The following ZNF169 variants were observed in gnomAD, a reference collection of about 807,000 sequenced individuals.
The protein encoded by ZNF169 is zinc finger protein 169.
A neutral mutation model predicts 12.0 loss-of-function variants in ZNF169; 11 were observed. The observed-to-expected ratio is 0.92, with a 90% confidence interval of 0.58 to 1.52. ZNF169 has a LOEUF of 1.52. Ranked by LOEUF, ZNF169 falls within the 40% of genes most tolerant of loss-of-function variation. ZNF169 has a pLI of 0.00. For synonymous variants in ZNF169, 302 were observed against 286.5 expected (o/e 1.05, Z -0.55); for missense variants, 722 against 744.0 (o/e 0.97, Z 0.34).
At position 94,300,177 on chromosome 9, in the gene ZNF169, T is replaced by G; in HGVS notation, c.619T>G (p.Ser207Ala). 1 of 1,614,086 alleles carries G rather than the reference T, an allele frequency of 6.2e-7. No individual in the cohort carries two copies. The highest frequency in any genetic ancestry group is 8.5e-7 in the Non-Finnish European group (1 of 1,180,016). ...SDTMLKGADTSESGAVIRGNY... is the reference protein window; with the variant it reads ...SDTMLKGADTAESGAVIRGNY... ...CACAATGTTGAAGGGAGCAGACACT[T>G]CAGAATCTGGAGCAGTCATACGTGG... Residue 207 changes from serine (S) to alanine (A), a missense_variant, in exon 5 of 5, where the codon TCA (serine) becomes GCA (alanine). Coordinates refer to ENST00000395395, the MANE Select transcript of ZNF169 (RefSeq NM_194320.4).
At chr9:94,282,226 T>G (rs1000488597) in intron 2 of ZNF169, among the ~76,000 whole-genome samples, 3 of 151,904 alleles carry the variant, frequency 2.0e-5, no homozygotes, top group African/African-American at 7.3e-5. Context: ...GGGCATGACT[T>G]CCCAGACCCC....
chr9:94,301,762 A>G lies in ZNF169; in HGVS notation c.*392A>G, dbSNP rs1321396729. On this transcript the variant is annotated 3_prime_UTR_variant, in exon 5 of 5. Coordinates refer to ENST00000395395, the MANE Select transcript of ZNF169 (RefSeq NM_194320.4). ...TCCTCCTCTTCTAGGGACACCAGTC[A>G]TTTTGGATAGAGCCACAGCCACATG... Among the ~76,000 whole-genome samples, 1 of 152,120 alleles carries G rather than the reference A, an allele frequency of 6.6e-6. No individual in the cohort carries two copies. The highest frequency in any genetic ancestry group is 3.2e-3 in the Middle Eastern group (1 of 316).
In ZNF169 at chr9:94,277,112, C is replaced by CA. The variant is rs577568279; in HGVS notation, c.-55-1643dup. On this transcript the variant is annotated intron_variant, in intron 1 of 4. Coordinates refer to ENST00000395395, the MANE Select transcript of ZNF169 (RefSeq NM_194320.4). ...TTTGGTTCAGAAAGACGGGACAACT[C>CA]AAAGTAGGGGGGCGGATTCCAGGCT... is the stretch of plus-strand genomic sequence containing the variant. Among the ~76,000 whole-genome samples, 5 of 152,234 alleles carry CA rather than the reference C, an allele frequency of 3.3e-5. No individual in the cohort carries two copies. In the East Asian group the frequency reaches 9.7e-4, roughly 29 times the overall value.
Position 94,300,599 on chromosome 9 carries a change from G to A in ZNF169, c.1041G>A (p.Val347=). 1 of 1,614,112 alleles carries A rather than the reference G, an allele frequency of 6.2e-7. No individual in the cohort carries two copies. Among genetic ancestry groups the A allele is most frequent in the Non-Finnish European group, 8.5e-7 (1 of 1,180,002 alleles). ...QRTHLEEKPF[V]CPECGRGFCQ... ...CGCACTTGGAGGAGAAGCCCTTCGT[G>A]TGTCCTGAGTGTGGGAGAGGCTTTT... The change falls in exon 5 of 5, where the codon GTG becomes GTA. Residue 347 remains valine, a synonymous_variant. Coordinates refer to ENST00000395395, the MANE Select transcript of ZNF169 (RefSeq NM_194320.4).
chr9:94,263,628 ATCC>A (rs1830242424), intron 1 of ZNF169, among the ~76,000 whole-genome samples: 1 of 151,670 alleles, frequency 6.6e-6, no homozygotes, highest in African/African-American at 2.4e-5. Flanking sequence ...GGCTTAAGCA[ATCC>A]TCCTGTCTCA....
chr9:94,280,648 C>T (rs559309112), intron 2 of ZNF169, among the ~76,000 whole-genome samples: 1 of 152,302 alleles, frequency 6.6e-6, no homozygotes, highest in Non-Finnish European at 1.5e-5. Flanking sequence ...GGTGAGAGCA[C>T]ACCTGGGCAA....
At position 94,300,926 on chromosome 9, in the gene ZNF169, G is replaced by A; in HGVS notation, c.1368G>A (p.Lys456=). The A allele has an allele frequency of 6.2e-7, 1 of 1,614,000 alleles. No homozygotes were observed. The highest frequency in any genetic ancestry group is 8.5e-7 in the Non-Finnish European group (1 of 1,179,960). The change falls in exon 5 of 5, where the codon AAG becomes AAA. Residue 456 remains lysine, a synonymous_variant. Transcript: ENST00000395395. ...ACCAGAGGACACACACAGGGGAGAA[G>A]CCCTACCTGTGCCCTGATTGTGGGC... is the stretch of plus-strand genomic sequence containing the variant. ...IGHQRTHTGE[K]PYLCPDCGRG...
rs976600569 is a variant in ZNF169, at chr9:94,277,805, G to A, written c.-55-953G>A. 1.3e-4 allele frequency among the ~76,000 whole-genome samples: 19 copies of A among 151,868 alleles called. 1 individual carries two copies. The East Asian group carries it at 1.7e-3, about 14-fold the overall frequency. ...AAATTAGCCGGGCGTGATGGCGGGC[G>A]CCTGTAGTCCCAGCTACTCGGGAGG... On this transcript the variant is annotated intron_variant, in intron 1 of 4. Transcript: ENST00000395395.
intron 1 of ZNF169, 108 bp from the exon 2 acceptor site, chr9:94,278,646 CCTGT>C (rs1564086469): frequency 1.7e-6 from 1 of 578,866 alleles, no homozygotes; most frequent in Non-Finnish European, 3.0e-6. Flanking sequence ...CCCTCTGCAA[CCTGT>C]CTTTGTTGCT....
chr9:94,274,356 A>G (rs9696843), intron 1 of ZNF169, among the ~76,000 whole-genome samples: 86,369 of 152,024 alleles, frequency 0.57, 24,622 homozygotes, highest in Middle Eastern at 0.64. Context: ...TGTATTAATA[A>G]GTTTATTAGA....
intron 1 of ZNF169, among the ~76,000 whole-genome samples, chr9:94,268,022 T>C (rs1456480756): frequency 6.8e-6 from 1 of 147,668 alleles, no homozygotes; most frequent in Non-Finnish European, 1.5e-5. Flanking sequence ...TGTGCCACCA[T>C]ACCCAGCTAA....
At chr9:94,259,867 GTTGTTTAT>G (rs1448172486) in intron 1 of ZNF169, among the ~76,000 whole-genome samples, 8 of 151,650 alleles carry the variant, frequency 5.3e-5, no homozygotes, top group Admixed American at 5.3e-4. Flanking sequence ...CATCAGTCGG[GTTGTTTAT>G]TTGTTTATTT....
Position 94,300,866 on chromosome 9 carries a change from G to GCGGGGTTTT in ZNF169, c.1309_1317dup (p.Arg437_Phe439dup). 1 of 1,613,982 alleles carries GCGGGGTTTT rather than the reference G, an allele frequency of 6.2e-7. No individual in the cohort carries two copies. The highest frequency in any genetic ancestry group is 8.5e-7 in the Non-Finnish European group (1 of 1,179,966). On this transcript the variant is annotated inframe_insertion, in exon 5 of 5. Coordinates refer to ENST00000395395, the MANE Select transcript of ZNF169 (RefSeq NM_194320.4). ...AGCCTTACCTGTGCCCCCAGTGTGG[G>GCGGGGTTTT]CGGGGTTTTAGCCAGAAGGTCACCC...
chr9:94,288,472 A>AT, intron 2 of ZNF169: 1 of 904,610 alleles, frequency 1.1e-6, no homozygotes, highest in South Asian at 1.3e-5. Context: ...ATCAAGCTTT[A>AT]TTAAGCCAAA....
chr9:94,301,093 A>G lies in ZNF169; in HGVS notation c.1535A>G (p.Glu512Gly). Residue 512 changes from glutamate to glycine, a missense_variant, in exon 5 of 5, where the codon GAG becomes GGG. By Grantham distance (98) the Glu-to-Gly change is moderately conservative. Transcript: ENST00000395395. ...CACCAGAGGACACACTCAGAGGAGG[A>G]GCTTTACGTAGACAGGGTGTGTGGA... ...TRHQRTHSEE[E>G]LYVDRVCGQG... 2 of 1,614,128 alleles carry G rather than the reference A, an allele frequency of 1.2e-6. No homozygotes were observed.
chr9:94,262,509 A>T lies in ZNF169; in HGVS notation c.-56+3164A>T, dbSNP rs531417899. ...AGTTTCACTCTGTCGCCCAGGCTGG[A>T]GTGCAGTGGTGCGATCTCGGCTCAC... On this transcript the variant is annotated intron_variant, in intron 1 of 4. Transcript: ENST00000395395. Among the ~76,000 whole-genome samples, 90 of 151,966 alleles carry T rather than the reference A, an allele frequency of 5.9e-4. 2 individuals are homozygous for T. Among genetic ancestry groups the T allele is most frequent in the Admixed American group, 1.2e-3 (19 of 15,236 alleles).
At chr9:94,277,264 G>A (rs1286501849) in intron 1 of ZNF169, among the ~76,000 whole-genome samples, 1 of 152,146 alleles carries the variant, frequency 6.6e-6, no homozygotes, top group Non-Finnish European at 1.5e-5. Flanking sequence ...GTTTTATTGT[G>A]CAGAGGAAGC....
intron 1 of ZNF169, among the ~76,000 whole-genome samples, chr9:94,274,277 C>T (rs1830482218): frequency 1.3e-5 from 2 of 152,020 alleles, no homozygotes; most frequent in Non-Finnish European, 2.9e-5. Context: ...TGTCAACATA[C>T]GAATATGGGA....
Position 94,299,870 on chromosome 9 carries a change from G to C in ZNF169, c.312G>C (p.Ser104=). 2 of 1,614,028 alleles carry C rather than the reference G, an allele frequency of 1.2e-6. No homozygotes were observed. Among genetic ancestry groups the C allele is most frequent in the Non-Finnish European group, 1.7e-6 (2 of 1,180,008 alleles). Residue 104 remains serine, a synonymous_variant, in exon 5 of 5, where the codon TCG becomes TCC. Transcript: ENST00000395395. The part of the protein sequence containing the change: ...SFPHLVAFSS[S]QLLRQYALSG... ...CCCACCTGGTGGCCTTTTCTAGCTC[G>C]CAGCTCCTCAGACAATATGCGCTAA...
Sources: gnomAD v4.1 joint callset for allele counts (sites outside exome capture counted in the v4.1 genomes callset) on GRCh38, gnomAD v4.1.1 for gene constraint, MANE v1.5 for transcripts, NCBI Gene and HGNC (gene_info 2026-07-23, HGNC 2026-07-21) for gene names.